ST8SIA6: variants seen among roughly 807,000 people sequenced by gnomAD.
ST8SIA6 encodes the protein ST8 alpha-N-acetyl-neuraminide alpha-2,8-sialyltransferase 6.
A neutral mutation model predicts 33.6 loss-of-function variants in ST8SIA6; 39 were observed. The observed-to-expected ratio is 1.16, with a 90% CI of 0.90 to 1.52. The LOEUF (loss-of-function observed/expected upper bound fraction) is 1.52. Among genes scored for constraint, ST8SIA6 ranks in the 40% most tolerant of loss-of-function variants. The pLI is 0.00. For synonymous variants in ST8SIA6, 172 were observed against 167.2 expected (o/e 1.03, Z -0.22); for missense variants, 441 against 443.8 (o/e 0.99, Z 0.06).
chr10:17,389,807 C>T (rs1042372285), intron 3 of ST8SIA6, among the ~76,000 whole-genome samples: 1 of 152,106 alleles, frequency 6.6e-6, no homozygotes, highest in Non-Finnish European at 1.5e-5. Context: ...AGTATAACTA[C>T]ATGGTGTTTT....
chr10:17,401,639 C>T (rs1378628428), intron 2 of ST8SIA6, among the ~76,000 whole-genome samples: 5 of 152,172 alleles, frequency 3.3e-5, no homozygotes, highest in African/African-American at 4.8e-5. Context: ...CATCTGCAAC[C>T]ATCTGATCTT....
At chr10:17,447,620 T>C (rs1268177729) in intron 2 of ST8SIA6, among the ~76,000 whole-genome samples, 1 of 152,066 alleles carries the variant, frequency 6.6e-6, no homozygotes, top group Non-Finnish European at 1.5e-5. Context: ...GGGGATCATT[T>C]AAAATGATAA....
At chr10:17,389,331 G>T (rs535995867) in intron 3 of ST8SIA6, among the ~76,000 whole-genome samples, 2 of 152,308 alleles carry the variant, frequency 1.3e-5, no homozygotes, top group Non-Finnish European at 2.9e-5. Context: ...TAGGCAGTGG[G>T]CAAGGTGAAA....
intron 2 of ST8SIA6, chr10:17,410,315 G>A (rs1351799461): frequency 6.6e-6 from 1 of 152,202 alleles, no homozygotes; most frequent in African/African-American, 2.4e-5. Flanking sequence ...ATCGTACTGA[G>A]ACAGTTTTAT....
intron 4 of ST8SIA6, among the ~76,000 whole-genome samples, chr10:17,358,939 T>C (rs1849295203): frequency 1.3e-5 from 2 of 152,182 alleles, no homozygotes; most frequent in Admixed American, 6.5e-5. Flanking sequence ...TCACTGCATA[T>C]TGCTTTAACA....
chr10:17,433,242 A>G (rs145437956), intron 2 of ST8SIA6, among the ~76,000 whole-genome samples: 1 of 152,304 alleles, frequency 6.6e-6, no homozygotes, highest in African/African-American at 2.4e-5. Context: ...ACATTTTTAT[A>G]TCAGCTTGTT....
At chr10:17,381,662 A>G (rs1247614082) in intron 3 of ST8SIA6, among the ~76,000 whole-genome samples, 3 of 152,234 alleles carry the variant, frequency 2.0e-5, no homozygotes, top group Non-Finnish European at 4.4e-5. Flanking sequence ...GCAGTTTCAT[A>G]CTTATCCTTG....
At chr10:17,444,425 C>G (rs1303931332) in intron 2 of ST8SIA6, among the ~76,000 whole-genome samples, 1 of 152,162 alleles carries the variant, frequency 6.6e-6, no homozygotes, top group Non-Finnish European at 1.5e-5. Context: ...AAAATTCCAC[C>G]TCCAACAACC....
rs1013782202 is a variant in ST8SIA6 at position 17,320,110 on chromosome 10, G to A, written c.*768C>T. The A allele has an allele frequency of 1.3e-5, 2 of 152,128 alleles. No homozygotes were observed. Among genetic ancestry groups the A allele is most frequent in the African/African-American group, 4.8e-5 (2 of 41,420 alleles). The allele number at this position is 152,128 out of a possible 1,614,324, so 9.4% of individuals were successfully genotyped here. ...AATTTTAAAATAAAATTGAGTGAGT[G>A]ACCCCACAGGCAAGACAACAGGTAA... On this transcript the variant is annotated 3_prime_UTR_variant, in exon 8 of 8. Transcript: ENST00000377602.
rs531819755 is a variant in ST8SIA6, at chr10:17,321,357, A to T, written c.729-11T>A. 9.1e-5 allele frequency: 139 copies of T among 1,530,454 alleles called. No individual in the cohort carries two copies. The highest frequency in any genetic ancestry group is 1.2e-4 in the Non-Finnish European group (134 of 1,132,958). 94.8% of individuals were successfully genotyped at this position (1,530,454 alleles called of 1,614,324 possible). Reference sequence around the variant, plus strand: ...TTTAAGTTCCCATATCTGCCAAATTAAAAAAAAATTATAGTAATCCCAAGA... The same window carrying T: ...TTTAAGTTCCCATATCTGCCAAATTTAAAAAAAATTATAGTAATCCCAAGA... On this transcript the variant is annotated splice_polypyrimidine_tract_variant and intron_variant, in intron 7 of 7. Transcript: ENST00000377602.
At chr10:17,347,992 A>C (rs982438600) in intron 4 of ST8SIA6, among the ~76,000 whole-genome samples, 6 of 150,956 alleles carry the variant, frequency 4.0e-5, no homozygotes, top group Non-Finnish European at 8.8e-5. Context: ...CTGATTGTGA[A>C]TTGCTAAGTG....
At chr10:17,336,367 T>G (rs1282794623) in intron 4 of ST8SIA6, among the ~76,000 whole-genome samples, 1 of 152,152 alleles carries the variant, frequency 6.6e-6, no homozygotes, top group Non-Finnish European at 1.5e-5. Flanking sequence ...ATTTGACAAT[T>G]AACTTTTCAC....
Position 17,370,862 on chromosome 10 carries a change from T to C in ST8SIA6, c.291-11262A>G, listed in dbSNP as rs1398737515. ...TTATTTTGAGTGAAATTAAAAGACT[T>C]TGGAGCAGAGAAGTTATCTGTCTAC... is the stretch of plus-strand genomic sequence containing the variant. On this transcript the variant is annotated intron_variant, in intron 3 of 7. Transcript: ENST00000377602. Among the ~76,000 whole-genome samples, 4 of 152,306 alleles carry C rather than the reference T, an allele frequency of 2.6e-5. No homozygotes were observed. The East Asian group carries it at 5.8e-4, about 22-fold the overall frequency.
At chr10:17,390,799 G>GAAAAAAAA (rs60135551) in intron 2 of ST8SIA6, among the ~76,000 whole-genome samples, 179 bp from the exon 3 acceptor site, 5 of 139,444 alleles carry the variant, frequency 3.6e-5, no homozygotes, top group African/African-American at 8.0e-5. Flanking sequence ...GGGTCTAAAT[G>GAAAAAAAA]AAAAAAAAAA....
At chr10:17,375,175 C>T (rs1849871277) in intron 3 of ST8SIA6, among the ~76,000 whole-genome samples, 1 of 152,114 alleles carries the variant, frequency 6.6e-6, no homozygotes, top group South Asian at 2.1e-4. Flanking sequence ...AAAATGTACA[C>T]ATCGCTTTAA....
chr10:17,404,321 C>T (rs1030259569), intron 2 of ST8SIA6, among the ~76,000 whole-genome samples: 5 of 152,090 alleles, frequency 3.3e-5, no homozygotes, highest in African/African-American at 4.8e-5. Context: ...TCAGACGTTA[C>T]GCCATTCTAC....
chr10:17,451,716 G>A (rs774568528), intron 2 of ST8SIA6, among the ~76,000 whole-genome samples: 2 of 152,116 alleles, frequency 1.3e-5, no homozygotes, highest in Non-Finnish European at 2.9e-5. Flanking sequence ...CCAGAAAAAT[G>A]AAGAAATTAC....
At chr10:17,438,343 A>G (rs183889282) in intron 2 of ST8SIA6, among the ~76,000 whole-genome samples, 1 of 152,294 alleles carries the variant, frequency 6.6e-6, no homozygotes, top group African/African-American at 2.4e-5. Flanking sequence ...CACCTAGATA[A>G]ATTTATTTAC....
intron 2 of ST8SIA6, among the ~76,000 whole-genome samples, chr10:17,428,696 G>T (rs1179477991): frequency 3.9e-5 from 6 of 152,086 alleles, no homozygotes; most frequent in Admixed American, 3.9e-4. Flanking sequence ...CCAGACAGAA[G>T]AATGTGTCTG....
Sources: allele counts gnomAD v4.1 joint callset (sites outside exome capture counted in the v4.1 genomes callset), GRCh38; gene constraint gnomAD v4.1.1; transcripts MANE v1.5; gene names NCBI Gene and HGNC (gene_info 2026-07-23, HGNC 2026-07-21).